Variants in RIMS4 observed in about 807,000 individuals in gnomAD.
RIMS4 encodes regulating synaptic membrane exocytosis 4.
RIMS4 carries 9 observed loss-of-function variants against 29.0 expected under a neutral mutation model. That is an observed-to-expected ratio of 0.31 (90% CI 0.19 to 0.54). The LOEUF is 0.54. RIMS4 is among the 20% of genes least tolerant of loss of function. RIMS4 has a pLI of 0.94. For synonymous variants in RIMS4, 130 were observed against 152.9 expected, an observed-to-expected ratio of 0.85 and a Z score of 1.10; for missense variants, 193 against 365.7, an observed-to-expected ratio of 0.53 and a Z score of 3.85.
intron 1 of RIMS4, among the ~76,000 whole-genome samples, chr20:44,776,164 T>C (rs1361025600): frequency 6.6e-6 from 1 of 152,110 alleles, no homozygotes; most frequent in African/African-American, 2.4e-5. Context: ...GCACCTGTAG[T>C]CTCAGCTACT....
intron 1 of RIMS4, among the ~76,000 whole-genome samples, chr20:44,777,697 T>C (rs539264111): frequency 9.9e-5 from 15 of 152,238 alleles, no homozygotes; most frequent in Non-Finnish European, 1.5e-4. Flanking sequence ...GTCCCCACTT[T>C]GACATTTTAT....
At chr20:44,806,963 G>A (rs1426773563) in intron 1 of RIMS4, among the ~76,000 whole-genome samples, 1 of 152,168 alleles carries the variant, frequency 6.6e-6, no homozygotes, top group Non-Finnish European at 1.5e-5. Context: ...TTTGTAAAAT[G>A]TTAACCCTAT....
At position 44,783,638 on chromosome 20, in the gene RIMS4, AAAAC is replaced by A. The variant is rs1360690241; in HGVS notation, c.98-12229_98-12226del. On this transcript the variant is annotated intron_variant, in intron 1 of 5. Coordinates refer to ENST00000372851, the MANE Select transcript of RIMS4 (RefSeq NM_182970.4). ...CCCTGTCTCAAAAAAAACAAAAACA[AAAAC>A]AAAAAAAAAACAACAAAGCATTACC... Among the ~76,000 whole-genome samples, 13 of 151,928 alleles carry A rather than the reference AAAAC, an allele frequency of 8.6e-5. No homozygotes were observed. In the East Asian group the frequency reaches 2.5e-3, roughly 29 times the overall value.
chr20:44,771,220 G>T, intron 2 of RIMS4, 55 bp downstream of exon 2: 1 of 1,568,224 alleles, frequency 6.4e-7, no homozygotes. Flanking sequence ...AGTCCCTCCC[G>T]TGCCCCACCA....
At chr20:44,783,653 C>A (rs1053612800) in intron 1 of RIMS4, among the ~76,000 whole-genome samples, 4 of 151,288 alleles carry the variant, frequency 2.6e-5, no homozygotes, top group Admixed American at 6.6e-5. Flanking sequence ...AAAAAAAAAA[C>A]AACAAAGCAT....
At chr20:44,799,879 C>T (rs1404701656) in intron 1 of RIMS4, among the ~76,000 whole-genome samples, 1 of 152,222 alleles carries the variant, frequency 6.6e-6, no homozygotes, top group Non-Finnish European at 1.5e-5. Flanking sequence ...GGACTTTCAA[C>T]TAAAATAATG....
intron 1 of RIMS4, among the ~76,000 whole-genome samples, chr20:44,793,113 G>A (rs2066240004): frequency 6.6e-6 from 1 of 152,130 alleles, no homozygotes; most frequent in African/African-American, 2.4e-5. Flanking sequence ...TATAAGCGCT[G>A]TGTCTGGACC....
chr20:44,756,972 C>A lies in RIMS4; in HGVS notation c.517G>T (p.Ala173Ser). The change falls in exon 5 of 6, where the codon GCT (alanine) becomes TCT (serine). Residue 173 changes from alanine to serine, a missense_variant. By Grantham distance (99) the Ala-to-Ser change is moderately conservative. Coordinates refer to ENST00000372851, the MANE Select transcript of RIMS4 (RefSeq NM_182970.4). This position sits in a 1 kb window ranked among gnomAD's most constrained non-coding sequence, Gnocchi z 5.9. ...ICIAKKKTKV[A>S]RKSLDPLYNQ... ...TACAGTGGGTCCAGCGACTTGCGAG[C>A]GACTTTGGTCTTCTTCTTGGCAATG... is the stretch of plus-strand genomic sequence containing the variant. 1 of 1,614,062 alleles carries A rather than the reference C, an allele frequency of 6.2e-7. No homozygotes were observed. The highest frequency in any genetic ancestry group is 8.5e-7 in the Non-Finnish European group (1 of 1,179,990).
chr20:44,809,380 C>A (rs1456432539), intron 1 of RIMS4, among the ~76,000 whole-genome samples: 2 of 152,114 alleles, frequency 1.3e-5, no homozygotes, highest in Admixed American at 6.5e-5. Flanking sequence ...CAGCTCCCCA[C>A]CCCTCGCTCT....
At chr20:44,764,255 C>CATCCATCCATCCATTTA (rs1325046131) in intron 2 of RIMS4, among the ~76,000 whole-genome samples, 23 of 144,298 alleles carry the variant, frequency 1.6e-4, no homozygotes, top group South Asian at 6.7e-4. Flanking sequence ...TCCATCCATC[C>CATCCATCCATCCATTTA]TCCCACAAAC....
chr20:44,809,615 G>A (rs536181166), intron 1 of RIMS4, among the ~76,000 whole-genome samples: 1 of 152,208 alleles, frequency 6.6e-6, no homozygotes, highest in East Asian at 1.9e-4. Flanking sequence ...TGCCCCAGGC[G>A]TATAAGAAGC....
intron 2 of RIMS4, among the ~76,000 whole-genome samples, chr20:44,768,072 A>G (rs2066121441): frequency 6.6e-6 from 1 of 152,150 alleles, no homozygotes; most frequent in Admixed American, 6.5e-5. Flanking sequence ...AGGCATCCTC[A>G]CTGACAGAGC....
At chr20:44,768,682 G>A (rs367554100) in intron 2 of RIMS4, among the ~76,000 whole-genome samples, 3 of 152,254 alleles carry the variant, frequency 2.0e-5, no homozygotes, top group South Asian at 2.1e-4. Context: ...TGCTGGACCC[G>A]TCACCCTCCA....
At chr20:44,786,865 C>T (rs955889999) in intron 1 of RIMS4, among the ~76,000 whole-genome samples, 2 of 152,232 alleles carry the variant, frequency 1.3e-5, no homozygotes, top group African/African-American at 4.8e-5. Context: ...CATTCATTCA[C>T]TCATTCACTC....
chr20:44,757,662 C>T lies in RIMS4; in HGVS notation c.451+8G>A, dbSNP rs2145442520. On this transcript the variant is annotated splice_region_variant and intron_variant, in intron 4 of 5. Transcript: ENST00000372851. ...CCCCCACCTTGCAGGGGAAGGTAGG[C>T]CCCAGACCTGGCAGTGTCTTGGAGC... The T allele has an allele frequency of 6.2e-7, 1 of 1,609,000 alleles. No individual in the cohort carries two copies. Among genetic ancestry groups the T allele is most frequent in the South Asian group, 1.1e-5 (1 of 90,984 alleles).
intron 1 of RIMS4, among the ~76,000 whole-genome samples, chr20:44,779,257 T>C (rs1334540015): frequency 6.6e-6 from 1 of 152,240 alleles, no homozygotes; most frequent in Non-Finnish European, 1.5e-5. Flanking sequence ...TGCAGGATAA[T>C]ATACATAAAG....
In RIMS4 at chr20:44,757,099, G is replaced by T. The variant is rs896236244; in HGVS notation, c.452-62C>A. 10 of 1,562,794 alleles carry T rather than the reference G, an allele frequency of 6.4e-6. No individual in the cohort carries two copies. In the African/African-American group the frequency reaches 9.5e-5, roughly 15 times the overall value. On this transcript the variant is annotated intron_variant, in intron 4 of 5. Coordinates refer to ENST00000372851, the MANE Select transcript of RIMS4 (RefSeq NM_182970.4). ...GGCCCTCAAATGGTGGGCAAAGGGT[G>T]CAACAGAGGGAGGCTGCCCACCCTC...
At chr20:44,800,955 C>T (rs2066275247) in intron 1 of RIMS4, among the ~76,000 whole-genome samples, 1 of 152,194 alleles carries the variant, frequency 6.6e-6, no homozygotes, top group South Asian at 2.1e-4. Flanking sequence ...ATGTGCACAT[C>T]ACATCATTTT....
At chr20:44,758,558 CTA>C (rs1333295046) in intron 2 of RIMS4, among the ~76,000 whole-genome samples, 1 of 152,216 alleles carries the variant, frequency 6.6e-6, no homozygotes, top group Non-Finnish European at 1.5e-5. Context: ...GCTTGGCTAC[CTA>C]ATATCCACTT....
Sources: allele counts gnomAD v4.1 joint callset (sites outside exome capture counted in the v4.1 genomes callset), GRCh38; gene constraint gnomAD v4.1.1; non-coding constraint Gnocchi (gnomAD v3.1); transcripts MANE v1.5; gene names NCBI Gene and HGNC (gene_info 2026-07-23, HGNC 2026-07-21).